The following WIF1 variants were observed in gnomAD, a reference collection of about 807,000 sequenced individuals.
The protein encoded by WIF1 is Wnt inhibitory factor 1.
WIF1 carries 35 observed loss-of-function variants against 53.5 expected under a neutral mutation model. The observed-to-expected ratio is 0.65, with a 90% confidence interval of 0.50 to 0.87. The LOEUF (loss-of-function observed/expected upper bound fraction) is 0.87, where lower values mean the gene tolerates loss of function less well. Ranked by LOEUF, WIF1 falls within the 40% of genes least tolerant of loss-of-function variation. The probability of loss-of-function intolerance (pLI) is 0.00; values close to 1 mark genes in which losing one functional copy is unlikely to be tolerated. For missense variants in WIF1, 467 were observed against 476.8 expected, an observed-to-expected ratio of 0.98 and a Z score of 0.19; for synonymous variants, 171 against 170.4, an observed-to-expected ratio of 1.00 and a Z score of -0.03.
chr12:65,117,997 G>T (rs1264994966), intron 2 of WIF1, among the ~76,000 whole-genome samples: 1 of 152,190 alleles, frequency 6.6e-6, no homozygotes, highest in Non-Finnish European at 1.5e-5. Flanking sequence ...AGAGGTTGGG[G>T]ATCCTTCGTT....
intron 2 of WIF1, among the ~76,000 whole-genome samples, chr12:65,108,617 G>A (rs142494879): frequency 4.6e-5 from 7 of 152,096 alleles, no homozygotes; most frequent in East Asian, 1.9e-4. Context: ...AAGTCCTGTC[G>A]ATTACACCTC....
chr12:65,077,606 C>T (rs976391090), intron 3 of WIF1, 140 bp downstream of exon 3: 6 of 626,008 alleles, frequency 9.6e-6, no homozygotes, highest in Non-Finnish European at 1.4e-5. Context: ...CAAAGAATAA[C>T]AGTCAAACTG....
At chr12:65,092,826 C>A (rs539781554) in intron 2 of WIF1, among the ~76,000 whole-genome samples, 1 of 151,808 alleles carries the variant, frequency 6.6e-6, no homozygotes, top group Non-Finnish European at 1.5e-5. Flanking sequence ...AGGAGGAACC[C>A]GAGACAGAGC....
chr12:65,102,319 A>G (rs141106795), intron 2 of WIF1, among the ~76,000 whole-genome samples: 2 of 152,102 alleles, frequency 1.3e-5, no homozygotes, highest in Non-Finnish European at 2.9e-5. Flanking sequence ...CATGATCTTC[A>G]GTTGGCAAGC....
At chr12:65,054,982 G>C in intron 9 of WIF1, 136 bp downstream of exon 9, 1 of 811,550 alleles carries the variant, frequency 1.2e-6, no homozygotes, top group South Asian at 2.0e-5. Context: ...ATGGAAAGCA[G>C]GGCTGAGTTA....
intron 2 of WIF1, among the ~76,000 whole-genome samples, chr12:65,097,298 T>G (rs1883220210): frequency 6.6e-6 from 1 of 152,196 alleles, no homozygotes. Context: ...CATATTAAAT[T>G]GATGTCTTTG....
Position 65,062,573 on chromosome 12 carries a change from T to C in WIF1, c.734A>G (p.Asn245Ser), listed in dbSNP as rs1017517598. The C allele has an allele frequency of 6.2e-7, 1 of 1,604,770 alleles. No individual in the cohort carries two copies. The highest frequency in any genetic ancestry group is 1.3e-5 in the African/African-American group (1 of 74,878). Reference protein sequence around the residue: ...GFYGVNCDKANCSTTCFNGGT... With the variant: ...GFYGVNCDKASCSTTCFNGGT... Reference sequence around the variant, plus strand: ...TCCATTAAAGCAGGTGGTTGAGCAGTTTGCTGTTAGAATGAGTAACAGGGG... The same window carrying C: ...TCCATTAAAGCAGGTGGTTGAGCAGCTTGCTGTTAGAATGAGTAACAGGGG... Residue 245 changes from asparagine to serine, a missense_variant, in exon 7 of 10, where the codon AAC (asparagine) becomes AGC (serine). By Grantham distance (46) the Asn-to-Ser change is conservative (BLOSUM62 1). Transcript: ENST00000286574.
intron 8 of WIF1, 59 bp downstream of exon 8, chr12:65,055,972 G>T: frequency 6.7e-7 from 1 of 1,483,164 alleles, no homozygotes; most frequent in Non-Finnish European, 9.3e-7. Context: ...TGTAGTGAGA[G>T]ACTCCTGCTA....
chr12:65,068,499 G>A (rs1882721713), intron 4 of WIF1, among the ~76,000 whole-genome samples: 1 of 152,116 alleles, frequency 6.6e-6, no homozygotes, highest in Non-Finnish European at 1.5e-5. Context: ...GGAGAGGGAG[G>A]AAGAAAAGGT....
In WIF1 at chr12:65,066,621, T is replaced by C. The variant is rs1592389618; in HGVS notation, c.730+20A>G. 1 of 1,583,634 alleles carries C rather than the reference T, an allele frequency of 6.3e-7. No individual in the cohort carries two copies. Among genetic ancestry groups the C allele is most frequent in the Non-Finnish European group, 8.6e-7 (1 of 1,166,026 alleles). On this transcript the variant is annotated intron_variant, in intron 6 of 9. Coordinates refer to ENST00000286574, the MANE Select transcript of WIF1 (RefSeq NM_007191.5). ...ATTTTAAAAGTAAAAATAACTTTCTTCTTAAAAAGAAACTGTTACCTTTGT... is the reference window on the plus strand; with the variant it reads ...ATTTTAAAAGTAAAAATAACTTTCTCCTTAAAAAGAAACTGTTACCTTTGT...
At chr12:65,068,690 G>A (rs1882726084) in intron 4 of WIF1, 74 bp downstream of exon 4, 1 of 1,204,556 alleles carries the variant, frequency 8.3e-7, no homozygotes, top group African/African-American at 2.1e-5. Context: ...TGTGTGTATA[G>A]ATATAAATAT....
At chr12:65,100,498 A>G (rs1338220631) in intron 2 of WIF1, among the ~76,000 whole-genome samples, 2 of 152,222 alleles carry the variant, frequency 1.3e-5, no homozygotes, top group Admixed American at 6.5e-5. Flanking sequence ...AGATTCTTGA[A>G]TAATTCTGTT....
chr12:65,067,960 T>A (rs1003652584), intron 4 of WIF1, among the ~76,000 whole-genome samples, 170 bp from the exon 5 acceptor site: 32 of 152,148 alleles, frequency 2.1e-4, no homozygotes, highest in Admixed American at 2.1e-3. Context: ...TGGATTTCAC[T>A]AAATCTGCTG....
chr12:65,117,038 C>T (rs1413045290), intron 2 of WIF1, among the ~76,000 whole-genome samples: 1 of 151,112 alleles, frequency 6.6e-6, no homozygotes, highest in East Asian at 1.9e-4. Context: ...TTGTATGAGA[C>T]TCTTCCCATG....
chr12:65,056,503 A>C (rs2136608419), intron 7 of WIF1, among the ~76,000 whole-genome samples: 1 of 147,830 alleles, frequency 6.8e-6, no homozygotes, highest in Non-Finnish European at 1.5e-5. Context: ...TGGGATTACA[A>C]GTATGAGCCA....
At chr12:65,110,091 C>G (rs1160942530) in intron 2 of WIF1, among the ~76,000 whole-genome samples, 1 of 152,102 alleles carries the variant, frequency 6.6e-6, no homozygotes, top group African/African-American at 2.4e-5. Context: ...GAGATAGAAT[C>G]ATAATATTTT....
At chr12:65,079,963 A>C (rs1882923246) in intron 2 of WIF1, among the ~76,000 whole-genome samples, 1 of 152,214 alleles carries the variant, frequency 6.6e-6, no homozygotes, top group Non-Finnish European at 1.5e-5. Flanking sequence ...ATGACCCTAC[A>C]AGCAATATAA....
rs2136616158 is a variant in WIF1 at position 65,068,869 on chromosome 12, C to T, written c.433G>A (p.Asp145Asn). 1.9e-6 allele frequency: 3 copies of T among 1,613,560 alleles called. No individual in the cohort carries two copies. The highest frequency in any genetic ancestry group is 2.5e-6 in the Non-Finnish European group (3 of 1,179,674). Reference sequence around the variant, plus strand: ...TCCACTTCAAATGCTGCCACCCCATCCTGTTTTCCAAGACATGGGAAACCA... The same window carrying T: ...TCCACTTCAAATGCTGCCACCCCATTCTGTTTTCCAAGACATGGGAAACCA... ...QVGFPCLGKQ[D>N]GVAAFEVDVI... The change falls in exon 4 of 10, where the codon GAT (aspartate) becomes AAT (asparagine). Residue 145 changes from aspartate to asparagine, a missense_variant. By Grantham distance (23) the Asp-to-Asn change is conservative (BLOSUM62 1). Transcript: ENST00000286574.
chr12:65,120,772 A>T, intron 1 of WIF1: 1 of 785,028 alleles, frequency 1.3e-6, no homozygotes, highest in East Asian at 2.8e-5. Context: ...AGGGATGGAC[A>T]TGGAGTTAAC....
Sources: gnomAD v4.1 joint callset for allele counts (sites outside exome capture counted in the v4.1 genomes callset) on GRCh38, gnomAD v4.1.1 for gene constraint, MANE v1.5 for transcripts, NCBI Gene and HGNC (gene_info 2026-07-23, HGNC 2026-07-21) for gene names.